Variants in MBTPS1 observed in about 807,000 individuals in gnomAD.
The protein encoded by MBTPS1 is membrane-bound transcription factor site-1 protease.
A neutral mutation model predicts 127.8 loss-of-function variants in MBTPS1; 94 were observed. The ratio of observed to expected loss-of-function variants is 0.74; its 90% CI spans 0.62 to 0.87. The LOEUF is 0.87. Among genes scored for constraint, MBTPS1 ranks in the 40% least tolerant of loss-of-function variants. The pLI is 0.00. For missense variants in MBTPS1, 1,636 were observed against 1,353.2 expected (o/e 1.21, Z -3.28); for synonymous variants, 632 against 509.4 (o/e 1.24, Z -3.24).
Position 84,091,825 on chromosome 16 carries a change from CA to C in MBTPS1, c.869del (p.Leu290TrpfsTer9). 1 of 1,612,536 alleles carries C rather than the reference CA, an allele frequency of 6.2e-7. No homozygotes were observed. Among genetic ancestry groups the C allele is most frequent in the Non-Finnish European group, 8.5e-7 (1 of 1,178,588 alleles). On this transcript the variant is annotated frameshift_variant, in exon 7 of 23. Coordinates refer to ENST00000343411, the MANE Select transcript of MBTPS1 (RefSeq NM_003791.4). LOFTEE classifies it high-confidence loss of function. ...NNQVSYTSWF[L>X]DAFNYAILKK... ...TTAAAATGGCATAGTTGAAGGCGTCCAAAAACCAAGATGTGTAAGATACCTA... is the reference window on the plus strand; with the variant it reads ...TTAAAATGGCATAGTTGAAGGCGTCCAAAACCAAGATGTGTAAGATACCTA...
chr16:84,074,927 A>T, intron 11 of MBTPS1, 186 bp from the exon 12 acceptor site: 1 of 501,014 alleles, frequency 2.0e-6, no homozygotes, highest in South Asian at 2.8e-5. Context: ...CCTCTGTGCC[A>T]GCCTGCTGTC....
Position 84,074,509 on chromosome 16 carries a change from A to G in MBTPS1, c.1593+88T>C. On this transcript the variant is annotated intron_variant, in intron 12 of 22. Transcript: ENST00000343411. ...TCGGCCTAGAACTTTTCCTTTTTTA[A>G]CTTCAGCAGAAGTAACTATGGCCTA... The G allele has an allele frequency of 2.1e-6, 3 of 1,396,990 alleles. No homozygotes were observed. In the South Asian group the frequency reaches 4.0e-5, roughly 19 times the overall value. 86.5% of individuals were successfully genotyped at this position (1,396,990 alleles called of 1,614,324 possible). A position where few individuals can be genotyped will look rare whatever the true frequency, so the allele number is the denominator to read the frequency against.
At position 84,106,902 on chromosome 16, in the gene MBTPS1, C is replaced by T. The variant is rs530891131; in HGVS notation, c.-324-4795G>A. ...GCTGTCCACCAGATGTGGGGGCACA[C>T]AAGTGAGGATTCAAGGCAACACCAA... On this transcript the variant is annotated intron_variant, in intron 1 of 22. Transcript: ENST00000343411. Among the ~76,000 whole-genome samples, 58 of 152,248 alleles carry T rather than the reference C, an allele frequency of 3.8e-4. No homozygotes were observed. The South Asian group carries it at 7.3e-3, about 19-fold the overall frequency.
In MBTPS1 at chr16:84,074,633, G is replaced by A. The variant is rs2085824249; in HGVS notation, c.1557C>T (p.Leu519=). Reference sequence around the variant, plus strand: ...TTCTTCCTGTGACTCCCATGCCGTTGAGGATGGTGACATTAACAACTGTCG... The same window carrying A: ...TTCTTCCTGTGACTCCCATGCCGTTAAGGATGGTGACATTAACAACTGTCG... ...GMPTVVNVTI[L]NGMGVTGRIV... Residue 519 remains leucine (L), a synonymous_variant, in exon 12 of 23, where the codon CTC becomes CTT. Coordinates refer to ENST00000343411, the MANE Select transcript of MBTPS1 (RefSeq NM_003791.4). 6.2e-7 allele frequency: 1 copy of A among 1,614,048 alleles called. No individual in the cohort carries two copies. The highest frequency in any genetic ancestry group is 8.5e-7 in the Non-Finnish European group (1 of 1,180,018).
At chr16:84,063,186 C>A in intron 19 of MBTPS1, 119 bp downstream of exon 19, 1 of 1,062,028 alleles carries the variant, frequency 9.4e-7, no homozygotes, top group Non-Finnish European at 1.4e-6. Flanking sequence ...CCAGCTGAGC[C>A]TGGCTCAAGT....
At chr16:84,067,926 C>T (rs756485138) in intron 15 of MBTPS1, 103 bp from the exon 16 acceptor site, 18 of 1,146,428 alleles carry the variant, frequency 1.6e-5, no homozygotes, top group Non-Finnish European at 2.1e-5. Context: ...GTTACTGACA[C>T]CTAACAGTCT....
intron 1 of MBTPS1, among the ~76,000 whole-genome samples, chr16:84,106,825 A>G (rs913575734): frequency 6.6e-6 from 1 of 152,094 alleles, no homozygotes; most frequent in Non-Finnish European, 1.5e-5. Flanking sequence ...CGGGCAGGGG[A>G]GGTGATAAGA....
At chr16:84,086,136 C>G (rs1303227978) in intron 9 of MBTPS1, 1 of 152,228 alleles carries the variant, frequency 6.6e-6, no homozygotes, top group Non-Finnish European at 1.5e-5. Flanking sequence ...GATGCACATA[C>G]TGGGATACCG....
intron 12 of MBTPS1, 36 bp downstream of exon 12, chr16:84,074,561 C>T: frequency 6.2e-7 from 1 of 1,604,930 alleles, no homozygotes; most frequent in Non-Finnish European, 8.5e-7. Flanking sequence ...CTAAGTTCAC[C>T]ATCAAGTCAG....
At chr16:84,057,356 C>T (rs1022468479) in intron 21 of MBTPS1, 3 of 152,232 alleles carry the variant, frequency 2.0e-5, no homozygotes, top group Non-Finnish European at 2.9e-5. Context: ...TATTTCCATT[C>T]TAACAGTGAT....
chr16:84,105,052 A>G (rs2086304389), intron 1 of MBTPS1, among the ~76,000 whole-genome samples: 2 of 152,062 alleles, frequency 1.3e-5, no homozygotes, highest in South Asian at 4.2e-4. Flanking sequence ...CAGTGAGCTG[A>G]GATTGGGACA....
At chr16:84,072,239 T>C (rs2085780746) in intron 12 of MBTPS1, 1 of 152,078 alleles carries the variant, frequency 6.6e-6, no homozygotes, top group Non-Finnish European at 1.5e-5. Context: ...GCTATAGGAT[T>C]CCATTGATGT....
At chr16:84,065,530 C>A (rs1402752026) in intron 18 of MBTPS1, among the ~76,000 whole-genome samples, 160 bp downstream of exon 18, 2 of 152,098 alleles carry the variant, frequency 1.3e-5, no homozygotes, top group Non-Finnish European at 2.9e-5. Context: ...CTAAAAACCA[C>A]CGAATTGTAC....
At chr16:84,061,633 AGCTG>A (rs2085615708) in intron 19 of MBTPS1, 1 of 152,224 alleles carries the variant, frequency 6.6e-6, no homozygotes, top group Non-Finnish European at 1.5e-5. Context: ...TGTTCACTTG[AGCTG>A]GGCTTCGAGT....
intron 10 of MBTPS1, among the ~76,000 whole-genome samples, chr16:84,082,351 C>T (rs984539806): frequency 6.6e-6 from 1 of 152,162 alleles, no homozygotes; most frequent in African/African-American, 2.4e-5. Context: ...AGGCACAGGT[C>T]TGAGTGAGGA....
chr16:84,097,474 G>C lies in MBTPS1; in HGVS notation c.421+1579C>G, dbSNP rs181568581. Among the ~76,000 whole-genome samples, 93 of 152,332 alleles carry C rather than the reference G, an allele frequency of 6.1e-4. 1 individual carries two copies. The highest frequency in any genetic ancestry group is 1.3e-3 in the Non-Finnish European group (86 of 68,030). On this transcript the variant is annotated intron_variant, in intron 3 of 22. Coordinates refer to ENST00000343411, the MANE Select transcript of MBTPS1 (RefSeq NM_003791.4). ...AGGGGCATGGGAACGCAGTGGGCAA[G>C]TCTCCCCTCACAGGGGTGTCAGGCA...
At chr16:84,105,090 G>A (rs1273534545) in intron 1 of MBTPS1, among the ~76,000 whole-genome samples, 4 of 150,734 alleles carry the variant, frequency 2.7e-5, no homozygotes, top group African/African-American at 7.3e-5. Flanking sequence ...GGGTGACAGC[G>A]AGACTCTGTC....
chr16:84,109,021 T>A (rs2086363462), intron 1 of MBTPS1, among the ~76,000 whole-genome samples: 2 of 152,214 alleles, frequency 1.3e-5, no homozygotes, highest in South Asian at 4.1e-4. Flanking sequence ...CTACACACAT[T>A]TCCTAGCTAT....
intron 18 of MBTPS1, 67 bp downstream of exon 18, chr16:84,065,623 G>C (rs1287343920): frequency 9.0e-6 from 9 of 1,003,944 alleles, no homozygotes; most frequent in Admixed American, 1.7e-5. Flanking sequence ...GAGAGACAGA[G>C]AGAGAAGCGG....
Sources: allele counts gnomAD v4.1 joint callset (sites outside exome capture counted in the v4.1 genomes callset), GRCh38; gene constraint gnomAD v4.1.1; transcripts MANE v1.5; gene names NCBI Gene and HGNC (gene_info 2026-07-23, HGNC 2026-07-21).